The following KCNU1 variants were observed in gnomAD, a reference collection of about 807,000 sequenced individuals.
KCNU1 encodes the protein potassium channel subfamily U member 1.
KCNU1 carries 93 observed loss-of-function variants against 126.8 expected under a neutral mutation model. The ratio of observed to expected loss-of-function variants is 0.73; its 90% CI spans 0.62 to 0.87. KCNU1 has a LOEUF of 0.87. KCNU1 is among the 40% of genes least tolerant of loss of function. The probability of loss-of-function intolerance (pLI) is 0.00; values close to 1 mark genes in which losing one functional copy is unlikely to be tolerated. For synonymous variants in KCNU1, 523 were observed against 494.2 expected (o/e 1.06, Z -0.77); for missense variants, 1,330 against 1,367.1 (o/e 0.97, Z 0.43).
chr8:36,844,960 A>G (rs1388517055), intron 16 of KCNU1, among the ~76,000 whole-genome samples: 1 of 152,232 alleles, frequency 6.6e-6, no homozygotes, highest in East Asian at 1.9e-4. Context: ...AAATTATAAT[A>G]CAATATTCTC....
rs1386661052 is a variant in KCNU1 at position 36,840,586 on chromosome 8, T to G, written c.1631+11T>G. 2.0e-5 allele frequency: 29 copies of G among 1,416,376 alleles called. No homozygotes were observed. The highest frequency in any genetic ancestry group is 1.7e-4 in the Middle Eastern group (1 of 5,732). 87.7% of individuals were successfully genotyped at this position (1,416,376 alleles called of 1,614,324 possible). On this transcript the variant is annotated intron_variant, in intron 15 of 26. Coordinates refer to ENST00000399881, the MANE Select transcript of KCNU1 (RefSeq NM_001031836.3). Reference sequence around the variant, plus strand: ...TCCTGAAGTTGCCCGGTAAGTGAAGTGAAATACTTCCCTCATTCTTCAGAC... The same window carrying G: ...TCCTGAAGTTGCCCGGTAAGTGAAGGGAAATACTTCCCTCATTCTTCAGAC...
At chr8:36,897,574 CA>C (rs1807246773) in intron 19 of KCNU1, among the ~76,000 whole-genome samples, 1 of 152,012 alleles carries the variant, frequency 6.6e-6, no homozygotes, top group South Asian at 2.1e-4. Flanking sequence ...GTGAACAGAG[CA>C]GGGTGAATAT....
intron 19 of KCNU1, among the ~76,000 whole-genome samples, chr8:36,871,410 TAGAG>T (rs141894674): frequency 4.5e-4 from 66 of 148,026 alleles, no homozygotes; most frequent in African/African-American, 1.4e-3. Context: ...TATATATACA[TAGAG>T]AGAGAGAGAG....
In KCNU1 at chr8:36,814,202, G is replaced by C; in HGVS notation, c.733-5G>C. On this transcript the variant is annotated splice_polypyrimidine_tract_variant and splice_region_variant and intron_variant, in intron 7 of 26. Transcript: ENST00000399881. ...ATGTTTCCTGAGTCTTCTCTCTTTGGACAGGTGGAAAATTCTGGTGATCCC... is the reference window on the plus strand; with the variant it reads ...ATGTTTCCTGAGTCTTCTCTCTTTGCACAGGTGGAAAATTCTGGTGATCCC... The C allele has an allele frequency of 6.2e-7, 1 of 1,611,310 alleles. No individual in the cohort carries two copies. The highest frequency in any genetic ancestry group is 1.1e-5 in the South Asian group (1 of 90,944).
chr8:36,811,091 A>T (rs1451278136), intron 7 of KCNU1, among the ~76,000 whole-genome samples: 1 of 152,174 alleles, frequency 6.6e-6, no homozygotes, highest in Non-Finnish European at 1.5e-5. Context: ...AACATGGTGG[A>T]CAGGACTGGA....
chr8:36,913,897 G>A (rs1807991980), intron 22 of KCNU1, among the ~76,000 whole-genome samples: 1 of 152,038 alleles, frequency 6.6e-6, no homozygotes, highest in Non-Finnish European at 1.5e-5. Flanking sequence ...CACCACGCCT[G>A]GCCATGAGGT....
At chr8:36,822,511 G>A (rs1236961574) in intron 10 of KCNU1, among the ~76,000 whole-genome samples, 1 of 152,122 alleles carries the variant, frequency 6.6e-6, no homozygotes, top group South Asian at 2.1e-4. Flanking sequence ...CAAGGTTCTT[G>A]TAAGATTCTA....
rs568859240 is a variant in KCNU1 at position 36,824,163 on chromosome 8, A to C, written c.1106+6403A>C. The stretch of plus-strand genomic sequence containing the variant: ...CTGTTTAAGCCTTTTTTATTCCAAA[A>C]TATAATTCAAAAAATCACTTAGAAT... On this transcript the variant is annotated intron_variant, in intron 10 of 26. Coordinates refer to ENST00000399881, the MANE Select transcript of KCNU1 (RefSeq NM_001031836.3). Among the ~76,000 whole-genome samples, 104 of 152,264 alleles carry C rather than the reference A, an allele frequency of 6.8e-4. 1 individual carries two copies. Among genetic ancestry groups the C allele is most frequent in the African/African-American group, 2.5e-3 (103 of 41,560 alleles).
chr8:36,903,767 T>A (rs1335173091), intron 19 of KCNU1, among the ~76,000 whole-genome samples: 1 of 152,138 alleles, frequency 6.6e-6, no homozygotes, highest in Non-Finnish European at 1.5e-5. Flanking sequence ...CAGTTTAGCA[T>A]GGCTGGGGAG....
chr8:36,921,204 G>T (rs1372191746), intron 23 of KCNU1, among the ~76,000 whole-genome samples: 1 of 152,094 alleles, frequency 6.6e-6, no homozygotes, highest in Non-Finnish European at 1.5e-5. Context: ...CCTCATTTTT[G>T]TGTTGGTTGC....
intron 19 of KCNU1, among the ~76,000 whole-genome samples, 161 bp downstream of exon 19, chr8:36,864,682 T>G (rs1397401883): frequency 2.0e-5 from 3 of 152,178 alleles, no homozygotes; most frequent in African/African-American, 7.2e-5. Flanking sequence ...CCCATATCAT[T>G]AAGCTAATCA....
chr8:36,916,139 A>T (rs1808095137), intron 22 of KCNU1, among the ~76,000 whole-genome samples: 1 of 146,796 alleles, frequency 6.8e-6, no homozygotes, highest in African/African-American at 2.5e-5. Flanking sequence ...GGGAAGGGAA[A>T]GGAAGGGAAA....
chr8:36,871,032 G>T (rs1448559351), intron 19 of KCNU1, among the ~76,000 whole-genome samples: 1 of 152,106 alleles, frequency 6.6e-6, no homozygotes, highest in South Asian at 2.1e-4. Context: ...TCCCTAGCAG[G>T]GCTATGTGTC....
At chr8:36,905,078 T>C (rs927157560) in intron 19 of KCNU1, among the ~76,000 whole-genome samples, 2 of 152,130 alleles carry the variant, frequency 1.3e-5, no homozygotes, top group African/African-American at 4.8e-5. Context: ...CTGTCAGGGA[T>C]TGAATACATT....
At chr8:36,910,793 A>G (rs1290868066) in intron 21 of KCNU1, 137 bp from the exon 22 acceptor site, 3 of 557,580 alleles carry the variant, frequency 5.4e-6, no homozygotes, top group African/African-American at 1.9e-5. Flanking sequence ...TGAGGTAACT[A>G]AGTTTTAAAA....
intron 19 of KCNU1, among the ~76,000 whole-genome samples, chr8:36,895,470 A>T (rs1807152596): frequency 6.6e-6 from 1 of 152,106 alleles, no homozygotes; most frequent in South Asian, 2.1e-4. Flanking sequence ...ACACTAAATG[A>T]CTTCAAAACT....
chr8:36,859,752 T>G (rs887360776), intron 18 of KCNU1, among the ~76,000 whole-genome samples: 6 of 152,236 alleles, frequency 3.9e-5, no homozygotes, highest in African/African-American at 1.4e-4. Flanking sequence ...ATTGGCCATT[T>G]ACTAACTGTG....
At chr8:36,849,539 A>G (rs1280131868) in intron 18 of KCNU1, among the ~76,000 whole-genome samples, 1 of 152,228 alleles carries the variant, frequency 6.6e-6, no homozygotes, top group Non-Finnish European at 1.5e-5. Flanking sequence ...GCAGTGAGCC[A>G]AGATCAGGCC....
chr8:36,909,936 G>C (rs1163944805), intron 21 of KCNU1, among the ~76,000 whole-genome samples: 1 of 152,148 alleles, frequency 6.6e-6, no homozygotes, highest in Admixed American at 6.5e-5. Flanking sequence ...CAGCATTTGT[G>C]CTCTAGCTTT....
Sources: allele counts gnomAD v4.1 joint callset (sites outside exome capture counted in the v4.1 genomes callset), GRCh38; gene constraint gnomAD v4.1.1; transcripts MANE v1.5; gene names NCBI Gene and HGNC (gene_info 2026-07-23, HGNC 2026-07-21).